Variants in MTF1 observed in about 807,000 individuals in gnomAD.
MTF1 encodes the protein metal regulatory transcription factor 1.
MTF1 carries 22 observed loss-of-function variants against 70.4 expected under a neutral mutation model. That is an observed-to-expected ratio of 0.31 (90% CI 0.22 to 0.45). The LOEUF (loss-of-function observed/expected upper bound fraction) is 0.45, where lower values mean the gene tolerates loss of function less well. Among genes scored for constraint, MTF1 ranks in the 20% least tolerant of loss-of-function variants. The pLI is 1.00. For missense variants in MTF1, 649 were observed against 922.0 expected (o/e 0.70, Z 3.83); for synonymous variants, 333 against 352.8 (o/e 0.94, Z 0.63).
At chr1:37,845,355 T>G (rs1335682609) in intron 2 of MTF1, among the ~76,000 whole-genome samples, 1 of 152,076 alleles carries the variant, frequency 6.6e-6, no homozygotes, top group Non-Finnish European at 1.5e-5. Context: ...TTCACTGGAA[T>G]GGTAGGAACA....
intron 2 of MTF1, among the ~76,000 whole-genome samples, chr1:37,850,284 T>C (rs1641396393): frequency 7.4e-6 from 1 of 135,014 alleles, no homozygotes; most frequent in South Asian, 2.5e-4. Flanking sequence ...TTAGGCAGAA[T>C]GAAAATATTT....
At chr1:37,849,326 T>C (rs1441742448) in intron 2 of MTF1, among the ~76,000 whole-genome samples, 1 of 151,912 alleles carries the variant, frequency 6.6e-6, no homozygotes, top group Admixed American at 6.6e-5. Flanking sequence ...CTCGGGAGGC[T>C]GAGACAGGAG....
chr1:37,821,879 A>G (rs981351592), intron 9 of MTF1, among the ~76,000 whole-genome samples: 3 of 151,966 alleles, frequency 2.0e-5, no homozygotes, highest in Admixed American at 6.6e-5. Flanking sequence ...TATCAGTAGG[A>G]ATATTTGTTT....
At chr1:37,826,654 C>A in intron 7 of MTF1, 1 of 434,114 alleles carries the variant, frequency 2.3e-6, no homozygotes. Flanking sequence ...TTCAGTGATC[C>A]TGATTGCCAA....
intron 8 of MTF1, 122 bp downstream of exon 8, chr1:37,823,588 A>G: frequency 1.5e-6 from 1 of 654,170 alleles, no homozygotes. Flanking sequence ...GAAAGACCCA[A>G]ACTTTCTGAC....
chr1:37,855,489 G>A (rs1569891425), intron 2 of MTF1, among the ~76,000 whole-genome samples: 1 of 152,156 alleles, frequency 6.6e-6, no homozygotes, highest in East Asian at 1.9e-4. Context: ...GTCTCTCTAA[G>A]GCTAGCAAAG....
rs142524458 is a variant in MTF1 at position 37,827,518 on chromosome 1, C to T, written c.1069-3706G>A. On this transcript the variant is annotated intron_variant, in intron 7 of 10. Coordinates refer to ENST00000373036, the MANE Select transcript of MTF1 (RefSeq NM_005955.3). The stretch of plus-strand genomic sequence containing the variant: ...GACTACAGGCGCCTGCCATCATGCC[C>T]GGCTAATTTTGTTTTTTGTATTTTT... Among the ~76,000 whole-genome samples, 40 of 152,076 alleles carry T rather than the reference C, an allele frequency of 2.6e-4. No homozygotes were observed. The Middle Eastern group carries it at 0.01, about 39-fold the overall frequency.
chr1:37,815,106 T>A lies in MTF1; in HGVS notation c.*30A>T. 1 of 1,594,690 alleles carries A rather than the reference T, an allele frequency of 6.3e-7. No homozygotes were observed. Among genetic ancestry groups the A allele is most frequent in the South Asian group, 1.1e-5 (1 of 90,162 alleles). ...TACCTCATGCCTCCTGCTCACCCGCTTTTCCCAGAGGTGAGCACACATGGG... is the reference window on the plus strand; with the variant it reads ...TACCTCATGCCTCCTGCTCACCCGCATTTCCCAGAGGTGAGCACACATGGG... On this transcript the variant is annotated 3_prime_UTR_variant, in exon 11 of 11. Transcript: ENST00000373036. This position sits in a 1 kb window ranked among gnomAD's most constrained non-coding sequence, Gnocchi z 4.5.
At chr1:37,851,708 A>T (rs945888793) in intron 2 of MTF1, among the ~76,000 whole-genome samples, 1 of 152,226 alleles carries the variant, frequency 6.6e-6, no homozygotes, top group African/African-American at 2.4e-5. Context: ...CTCATGAAAC[A>T]CTTTCACACA....
intron 10 of MTF1, 123 bp downstream of exon 10, chr1:37,817,296 G>C: frequency 1.4e-6 from 1 of 719,078 alleles, no homozygotes; most frequent in Non-Finnish European, 2.5e-6. Context: ...ACAATGTGAA[G>C]AATTTAACTG....
Position 37,855,458 on chromosome 1 carries a change from G to A in MTF1, c.408+1793C>T, listed in dbSNP as rs112951935. Among the ~76,000 whole-genome samples, 453 of 152,248 alleles carry A rather than the reference G, an allele frequency of 3.0e-3. 3 individuals are homozygous for A. The highest frequency in any genetic ancestry group is 0.01 in the African/African-American group (432 of 41,542). On this transcript the variant is annotated intron_variant, in intron 2 of 10. Transcript: ENST00000373036. ...ATGCCATAGGGAGATTTCTGCATAGGGTAGGAGGTGGGACAAGATGGTCTC... is the reference window on the plus strand; with the variant it reads ...ATGCCATAGGGAGATTTCTGCATAGAGTAGGAGGTGGGACAAGATGGTCTC...
chr1:37,835,787 A>G (rs1296844668), intron 4 of MTF1, 43 bp from the exon 5 acceptor site: 25 of 1,496,220 alleles, frequency 1.7e-5, no homozygotes, highest in South Asian at 6.8e-5. Context: ...ATTAGCTAAT[A>G]GATCTTTATC....
chr1:37,859,002 T>C (rs1387164097), intron 1 of MTF1, among the ~76,000 whole-genome samples: 2 of 152,356 alleles, frequency 1.3e-5, no homozygotes, highest in East Asian at 1.9e-4. Flanking sequence ...GGCTAGACAG[T>C]TACCAGAGAC....
rs769512851 is a variant in MTF1, at chr1:37,838,760, CAAAATATTCCAG to C, written c.648-16_648-5del. The C allele has an allele frequency of 7.0e-7, 1 of 1,428,034 alleles. No homozygotes were observed. The highest frequency in any genetic ancestry group is 1.3e-5 in the South Asian group (1 of 75,504). 88.5% of individuals were successfully genotyped at this position (1,428,034 alleles called of 1,614,324 possible). ...AAGCCTCTGATGTGCTTTCAGCCTG[CAAAATATTCCAG>C]AAAAATTCCCTTTGTCATAAAATTC... On this transcript the variant is annotated splice_region_variant and splice_polypyrimidine_tract_variant and intron_variant, in intron 3 of 10. Coordinates refer to ENST00000373036, the MANE Select transcript of MTF1 (RefSeq NM_005955.3).
intron 3 of MTF1, 34 bp downstream of exon 3, chr1:37,839,886 C>G: frequency 3.9e-6 from 6 of 1,550,052 alleles, no homozygotes; most frequent in Non-Finnish European, 5.3e-6. Context: ...AGGTCAAGGT[C>G]AGAGGCTGGC....
In MTF1 at chr1:37,822,579, C is replaced by T; in HGVS notation, c.1309G>A (p.Ala437Thr). The change falls in exon 9 of 11, where the codon GCC becomes ACC. Residue 437 changes from alanine to threonine, a missense_variant. Physicochemically the swap from Ala to Thr is moderately conservative, Grantham distance 58 (BLOSUM62 0). This residue lies in a region of MTF1 where 267 missense variants were observed against 292.1 expected (regional missense o/e 0.91). Transcript: ENST00000373036. ...GGCGGAGGAGCAGACGGAGCTGAGG[C>T]AGGTAGTAGAGGCTGGGGTGGCTCG... ...LSEPPQPLLPASAPSAPPPAP... is the reference protein window; with the variant it reads ...LSEPPQPLLPTSAPSAPPPAP... The T allele has an allele frequency of 6.2e-7, 1 of 1,613,934 alleles. No individual in the cohort carries two copies. The highest frequency in any genetic ancestry group is 1.1e-5 in the South Asian group (1 of 91,082).
chr1:37,828,983 T>C (rs1309638426), intron 7 of MTF1, among the ~76,000 whole-genome samples: 1 of 152,072 alleles, frequency 6.6e-6, no homozygotes, highest in Non-Finnish European at 1.5e-5. Context: ...CACCTTCAAC[T>C]CTCCTCTAAC....
chr1:37,832,382 A>C, intron 6 of MTF1, 60 bp from the exon 7 acceptor site: 1 of 1,055,352 alleles, frequency 9.5e-7, no homozygotes, highest in Non-Finnish European at 1.5e-6. Context: ...GTGGCATATC[A>C]TGTAACAAAA....
Position 37,857,709 on chromosome 1 carries a change from T to C in MTF1, c.-51A>G, listed in dbSNP as rs781726408. ...TGAGAAATGAAAACGTAATGACTTG[T>C]CTGCAACAGAACAAAGCCAGAGTTA... is the stretch of plus-strand genomic sequence containing the variant. On this transcript the variant is annotated splice_region_variant and 5_prime_UTR_variant, in exon 2 of 11. Transcript: ENST00000373036. 84 of 1,574,182 alleles carry C rather than the reference T, an allele frequency of 5.3e-5. No individual in the cohort carries two copies. Among genetic ancestry groups the C allele is most frequent in the Middle Eastern group, 5.1e-4 (3 of 5,858 alleles).
Sources: gnomAD v4.1 joint callset for allele counts (sites outside exome capture counted in the v4.1 genomes callset) on GRCh38, gnomAD v4.1.1 for gene constraint, gnomAD v4.1.1 regional missense constraint, Gnocchi (gnomAD v3.1) non-coding constraint, MANE v1.5 for transcripts, NCBI Gene and HGNC (gene_info 2026-07-23, HGNC 2026-07-21) for gene names.